Variants in SLIT3 observed in about 807,000 individuals in gnomAD.
SLIT3 encodes the protein slit guidance ligand 3, also known as slit homolog 3 protein.
A neutral mutation model predicts 184.0 loss-of-function variants in SLIT3; 68 were observed. The observed-to-expected ratio is 0.37, with a 90% confidence interval of 0.30 to 0.45. The LOEUF (loss-of-function observed/expected upper bound fraction) is 0.45, where lower values mean the gene tolerates loss of function less well. Ranked by LOEUF, SLIT3 falls within the 20% of genes least tolerant of loss-of-function variation. The pLI, the probability that SLIT3 is intolerant of heterozygous loss-of-function variation, is 1.00. For missense variants in SLIT3, 1,707 were observed against 2,026.0 expected, an observed-to-expected ratio of 0.84 and a Z score of 3.02; for synonymous variants, 831 against 828.6, an observed-to-expected ratio of 1.00 and a Z score of -0.05.
intron 4 of SLIT3, among the ~76,000 whole-genome samples, chr5:169,181,728 G>A (rs1006295155): frequency 4.4e-5 from 6 of 134,876 alleles, no homozygotes; most frequent in Admixed American, 1.6e-4. Flanking sequence ...GCGACAGAGC[G>A]AGACTTCATC....
intron 4 of SLIT3, among the ~76,000 whole-genome samples, chr5:169,168,121 C>T (rs759859958): frequency 1.1e-4 from 16 of 152,152 alleles, no homozygotes; most frequent in African/African-American, 2.2e-4. Context: ...TCTCCTACAC[C>T]GTAGGTCAAC....
At chr5:168,688,292 G>A (rs1018837099) in intron 29 of SLIT3, among the ~76,000 whole-genome samples, 7 of 152,166 alleles carry the variant, frequency 4.6e-5, no homozygotes, top group South Asian at 2.1e-4. Flanking sequence ...AGGAGGAGGC[G>A]GCATGGCAGA....
chr5:169,158,849 A>T (rs1762387714), intron 4 of SLIT3, among the ~76,000 whole-genome samples: 1 of 152,242 alleles, frequency 6.6e-6, no homozygotes, highest in Non-Finnish European at 1.5e-5. Flanking sequence ...ATCAAAATGG[A>T]ATTCTAAAAA....
chr5:168,814,824 G>A (rs536642248), intron 8 of SLIT3, among the ~76,000 whole-genome samples: 1 of 152,350 alleles, frequency 6.6e-6, no homozygotes, highest in East Asian at 1.9e-4. Flanking sequence ...TGTTCCACAT[G>A]CACCTGACTC....
intron 4 of SLIT3, among the ~76,000 whole-genome samples, chr5:168,955,789 C>T (rs1365122552): frequency 2.0e-5 from 3 of 152,180 alleles, no homozygotes. Context: ...ACAGAGTACC[C>T]ACAGGGAGGA....
At chr5:169,230,467 T>C (rs1164602911) in intron 3 of SLIT3, among the ~76,000 whole-genome samples, 1 of 152,216 alleles carries the variant, frequency 6.6e-6, no homozygotes, top group East Asian at 1.9e-4. Flanking sequence ...TTGCCACACA[T>C]ATGCATTTAA....
chr5:168,835,825 A>T (rs999399678), intron 6 of SLIT3, among the ~76,000 whole-genome samples: 4 of 150,006 alleles, frequency 2.7e-5, no homozygotes, highest in Non-Finnish European at 4.4e-5. Context: ...AAAAAAAAAA[A>T]TTTGTTTTTG....
intron 4 of SLIT3, among the ~76,000 whole-genome samples, chr5:168,983,520 G>A (rs1755021826): frequency 6.6e-6 from 1 of 152,234 alleles, no homozygotes; most frequent in Non-Finnish European, 1.5e-5. Flanking sequence ...GTAGCACACA[G>A]TGGTGGAGAA....
chr5:168,974,333 T>G (rs1442391856), intron 4 of SLIT3, among the ~76,000 whole-genome samples: 1 of 152,220 alleles, frequency 6.6e-6, no homozygotes, highest in African/African-American at 2.4e-5. Flanking sequence ...ACATTCTTTG[T>G]TGACCCCATT....
chr5:168,930,185 G>A (rs1032161286), intron 4 of SLIT3, among the ~76,000 whole-genome samples: 6 of 152,300 alleles, frequency 3.9e-5, no homozygotes, highest in Admixed American at 2.6e-4. Flanking sequence ...GTGTCTTCAA[G>A]TGATTCTTAT....
In SLIT3 at chr5:168,773,084, G is replaced by A. The variant is rs558574880; in HGVS notation, c.1296-140C>T. Reference sequence around the variant, plus strand: ...TCATCGCCCCAGGAAGCCTTAGGGGGTGCTACTTTCAGACAGGGCTCAAAG... The same window carrying A: ...TCATCGCCCCAGGAAGCCTTAGGGGATGCTACTTTCAGACAGGGCTCAAAG... On this transcript the variant is annotated intron_variant, in intron 13 of 35. Coordinates refer to ENST00000519560, the MANE Select transcript of SLIT3 (RefSeq NM_003062.4). 6 of 839,806 alleles carry A rather than the reference G, an allele frequency of 7.1e-6. No individual in the cohort carries two copies. In the Admixed American group the frequency reaches 1.3e-4, roughly 18 times the overall value. 52.0% of individuals were successfully genotyped at this position (839,806 alleles called of 1,614,324 possible).
intron 4 of SLIT3, among the ~76,000 whole-genome samples, chr5:169,061,452 G>A (rs537083862): frequency 2.0e-5 from 3 of 152,152 alleles, no homozygotes; most frequent in African/African-American, 7.2e-5. Flanking sequence ...CTATTCTTAG[G>A]CAGAGGCCCA....
At chr5:168,712,181 G>A (rs2113326306) in intron 24 of SLIT3, 102 bp downstream of exon 24, 2 of 985,868 alleles carry the variant, frequency 2.0e-6, no homozygotes, top group Admixed American at 1.7e-5. Context: ...GTATGCATAA[G>A]GAAAGGACAT....
chr5:168,803,662 A>T (rs1756847996), intron 9 of SLIT3, among the ~76,000 whole-genome samples: 1 of 152,150 alleles, frequency 6.6e-6, no homozygotes, highest in South Asian at 2.1e-4. Flanking sequence ...CAGCCTGGCT[A>T]CCTGGACTGG....
intron 6 of SLIT3, among the ~76,000 whole-genome samples, chr5:168,826,262 T>C (rs1757700771): frequency 6.6e-6 from 1 of 152,182 alleles, no homozygotes; most frequent in Non-Finnish European, 1.5e-5. Context: ...CTAAACACAG[T>C]ATTCAGACTT....
intron 5 of SLIT3, among the ~76,000 whole-genome samples, chr5:168,861,401 GC>G (rs545556363): frequency 2.7e-4 from 7 of 26,024 alleles, no homozygotes; most frequent in Admixed American, 2.3e-3. Context: ...CCCAACCCCT[GC>G]CCCCCGCCCC....
At chr5:168,809,507 C>T (rs774401727) in intron 8 of SLIT3, among the ~76,000 whole-genome samples, 43 of 152,302 alleles carry the variant, frequency 2.8e-4, no homozygotes, top group Non-Finnish European at 5.0e-4. Flanking sequence ...AAGATGGGTT[C>T]GTTTTCCCTA....
At chr5:169,277,949 C>T (rs1463886385) in intron 1 of SLIT3, among the ~76,000 whole-genome samples, 1 of 152,222 alleles carries the variant, frequency 6.6e-6, no homozygotes. Flanking sequence ...CTATAGCCTT[C>T]ACAGTAGGTG....
intron 6 of SLIT3, among the ~76,000 whole-genome samples, chr5:168,838,903 T>C (rs1041988563): frequency 6.6e-6 from 1 of 152,148 alleles, no homozygotes; most frequent in African/African-American, 2.4e-5. Context: ...TCTCTAAACG[T>C]GGGCTTGGTG....
Sources: gnomAD v4.1 joint callset for allele counts (sites outside exome capture counted in the v4.1 genomes callset) on GRCh38, gnomAD v4.1.1 for gene constraint, MANE v1.5 for transcripts, NCBI Gene and HGNC (gene_info 2026-07-23, HGNC 2026-07-21) for gene names.